Variants in PCDHGB6 observed in about 807,000 individuals in gnomAD.
PCDHGB6 encodes the protein protocadherin gamma subfamily B, 6.
PCDHGB6 carries 51 observed loss-of-function variants against 59.1 expected under a neutral mutation model. The observed-to-expected ratio is 0.86, with a 90% CI of 0.69 to 1.09. The LOEUF is 1.09. Ranked by LOEUF, PCDHGB6 falls within the 50% of genes least tolerant of loss-of-function variation. The pLI is 0.00. For synonymous variants in PCDHGB6, 466 were observed against 495.1 expected (o/e 0.94, Z 0.78); for missense variants, 1,148 against 1,205.1 (o/e 0.95, Z 0.70).
intron 1 of PCDHGB6, chr5:141,471,430 G>A (rs2099257545): frequency 6.6e-6 from 1 of 152,140 alleles, no homozygotes; most frequent in South Asian, 2.1e-4. Flanking sequence ...CAAGGAAAGT[G>A]TATAATCTCA....
chr5:141,464,043 T>C (rs2099074643), intron 1 of PCDHGB6, among the ~76,000 whole-genome samples: 2 of 152,074 alleles, frequency 1.3e-5, no homozygotes, highest in African/African-American at 4.8e-5. Context: ...GGCGGGTGGA[T>C]CACCTGAGGT....
At position 141,489,852 on chromosome 5, in the gene PCDHGB6, C is replaced by G. The variant is rs1197191101; in HGVS notation, c.2419-4955C>G. ...TAGAGCAGCAGCTGGATCGTGAAGC[C>G]CAGGCAAGACATCAGCTGGTGCTTA... On this transcript the variant is annotated intron_variant, in intron 1 of 3. Transcript: ENST00000520790. This position sits in a 1 kb window ranked among gnomAD's most constrained non-coding sequence, Gnocchi z 4.5. The G allele has an allele frequency of 6.2e-7, 1 of 1,614,034 alleles. No homozygotes were observed. Among genetic ancestry groups the G allele is most frequent in the Admixed American group, 1.7e-5 (1 of 60,004 alleles).
In PCDHGB6 at chr5:141,432,265, G is replaced by A. The variant is rs756993242; in HGVS notation, c.2418+21645G>A. On this transcript the variant is annotated intron_variant, in intron 1 of 3. Transcript: ENST00000520790. The surrounding 1 kb of genome is among the most constrained non-coding windows in gnomAD (Gnocchi z 6.0). ...ACACCATCCAAGGGGCAAGCCTATCGTCCTACGTGTCCATCAACTCCGACA... is the reference window on the plus strand; with the variant it reads ...ACACCATCCAAGGGGCAAGCCTATCATCCTACGTGTCCATCAACTCCGACA... 2.5e-6 allele frequency: 4 copies of A among 1,614,092 alleles called. No individual in the cohort carries two copies. The highest frequency in any genetic ancestry group is 1.7e-5 in the Admixed American group (1 of 60,004).
At chr5:141,505,044 C>G (rs1446394128) in intron 2 of PCDHGB6, among the ~76,000 whole-genome samples, 3 of 152,156 alleles carry the variant, frequency 2.0e-5, no homozygotes, top group African/African-American at 7.2e-5. Context: ...TGCCTGTCAT[C>G]CCAGCTACTT....
Position 141,476,176 on chromosome 5 carries a change from G to C in PCDHGB6, c.2419-18631G>C, listed in dbSNP as rs778169270. 1 of 1,613,530 alleles carries C rather than the reference G, an allele frequency of 6.2e-7. No homozygotes were observed. The highest frequency in any genetic ancestry group is 8.5e-7 in the Non-Finnish European group (1 of 1,180,006). On this transcript the variant is annotated intron_variant, in intron 1 of 3. Transcript: ENST00000520790. The surrounding 1 kb of genome is among the most constrained non-coding windows in gnomAD (Gnocchi z 7.6). ...GCACCGGGAGGGTAGTGGGAGTTTT[G>C]CTTCTGCTTGGTGCCTTGAACAAGG...
Position 141,511,669 on chromosome 5 carries a change from T to C in PCDHGB6, c.*496T>C, listed in dbSNP as rs1468492336. 1 of 199,424 alleles carries C rather than the reference T, an allele frequency of 5.0e-6. No individual in the cohort carries two copies. The highest frequency in any genetic ancestry group is 2.3e-5 in the African/African-American group (1 of 43,748). The allele number at this position is 199,424 out of a possible 1,614,324, so 12.4% of individuals were successfully genotyped here. ...TCTTGGCCTCTCCTTTGATTCTCAA[T>C]CTTCCCCCAAAGCATGGTTTGGTGC... On this transcript the variant is annotated 3_prime_UTR_variant, in exon 4 of 4. Coordinates refer to ENST00000520790, the MANE Select transcript of PCDHGB6 (RefSeq NM_018926.3).
chr5:141,415,704 T>C (rs1262137262), intron 1 of PCDHGB6: 1 of 1,344,464 alleles, frequency 7.4e-7, no homozygotes, highest in South Asian at 1.3e-5. Context: ...GTGTAAATGC[T>C]AAAACACTGA....
chr5:141,419,443 C>T (rs1476796525), intron 1 of PCDHGB6: 2 of 1,613,080 alleles, frequency 1.2e-6, no homozygotes, highest in South Asian at 2.2e-5. Flanking sequence ...TGCGCACCTT[C>T]GAGCTCACGC....
At chr5:141,451,945 C>T (rs906800803) in intron 1 of PCDHGB6, among the ~76,000 whole-genome samples, 1 of 151,970 alleles carries the variant, frequency 6.6e-6, no homozygotes, top group Non-Finnish European at 1.5e-5. Flanking sequence ...AGGGAAAGAC[C>T]GAGAAAGTGA....
rs1349189547 is a variant in PCDHGB6 at position 141,432,777 on chromosome 5, C to A, written c.2418+22157C>A. 1.2e-6 allele frequency: 2 copies of A among 1,614,154 alleles called. No individual in the cohort carries two copies. The highest frequency in any genetic ancestry group is 1.3e-5 in the African/African-American group (1 of 75,062). ...GCCGACAGCATCCCCCAAGTCCTGGCGGACCTCGGCAGCCTCGAGTCTCCA... is the reference window on the plus strand; with the variant it reads ...GCCGACAGCATCCCCCAAGTCCTGGAGGACCTCGGCAGCCTCGAGTCTCCA... On this transcript the variant is annotated intron_variant, in intron 1 of 3. Transcript: ENST00000520790. This position sits in a 1 kb window ranked among gnomAD's most constrained non-coding sequence, Gnocchi z 6.0.
In PCDHGB6 at chr5:141,485,849, G is replaced by A. The variant is rs777288674; in HGVS notation, c.2419-8958G>A. ...AGGGAACCCGCCGAGATCTGGCACC[G>A]CAGAGCTCCGGGTATCCGTGCTGGA... On this transcript the variant is annotated intron_variant, in intron 1 of 3. Transcript: ENST00000520790. The surrounding 1 kb of genome is among the most constrained non-coding windows in gnomAD (Gnocchi z 5.7). 3 of 1,614,130 alleles carry A rather than the reference G, an allele frequency of 1.9e-6. No individual in the cohort carries two copies. In the South Asian group the frequency reaches 3.3e-5, roughly 18 times the overall value.
intron 2 of PCDHGB6, among the ~76,000 whole-genome samples, chr5:141,495,943 C>T (rs998665622): frequency 3.9e-5 from 6 of 152,010 alleles, no homozygotes; most frequent in African/African-American, 1.4e-4. Flanking sequence ...GTCTCTGTGC[C>T]TGTTGTCTTT....
intron 1 of PCDHGB6, chr5:141,415,435 C>A: frequency 1.2e-6 from 2 of 1,614,202 alleles, no homozygotes; most frequent in Non-Finnish European, 8.5e-7. Context: ...TCGGGCTTTC[C>A]TGCAGACCTA....
At chr5:141,457,607 T>C (rs578113551) in intron 1 of PCDHGB6, among the ~76,000 whole-genome samples, 2 of 152,360 alleles carry the variant, frequency 1.3e-5, no homozygotes, top group African/African-American at 4.8e-5. Context: ...AAACTAATTA[T>C]GAATGAACTT....
At chr5:141,430,100 C>T (rs6874907) in intron 1 of PCDHGB6, among the ~76,000 whole-genome samples, 7,606 of 152,160 alleles carry the variant, frequency 0.05, 372 homozygotes, top group African/African-American at 0.13. Context: ...GATTTTTAAG[C>T]GTTACATGTC....
At chr5:141,423,050 G>T (rs1434973750) in intron 1 of PCDHGB6, 2 of 1,614,068 alleles carry the variant, frequency 1.2e-6, no homozygotes, top group Admixed American at 1.7e-5. Context: ...CTGTCCTATC[G>T]CCTGCTTAAG....
chr5:141,506,577 A>G (rs2099855057), intron 3 of PCDHGB6, among the ~76,000 whole-genome samples: 1 of 152,162 alleles, frequency 6.6e-6, no homozygotes, highest in South Asian at 2.1e-4. Flanking sequence ...TTCACTTACT[A>G]TTAATGGGCA....
chr5:141,478,856 T>G (rs1372487685), intron 1 of PCDHGB6: 2 of 1,353,224 alleles, frequency 1.5e-6, no homozygotes, highest in Non-Finnish European at 2.0e-6. Flanking sequence ...AAACACAAGA[T>G]CTCAGCGATC....
At position 141,490,840 on chromosome 5, in the gene PCDHGB6, G is replaced by C. The variant is rs1177428192; in HGVS notation, c.2419-3967G>C. On this transcript the variant is annotated intron_variant, in intron 1 of 3. Transcript: ENST00000520790. This position sits in a 1 kb window ranked among gnomAD's most constrained non-coding sequence, Gnocchi z 5.4. Reference sequence around the variant, plus strand: ...ATTGCTGCAGATGCTGCAGATTGTGGTGGGGGTTCGAGACTCCGGCTCTCC... The same window carrying C: ...ATTGCTGCAGATGCTGCAGATTGTGCTGGGGGTTCGAGACTCCGGCTCTCC... 2 of 1,613,900 alleles carry C rather than the reference G, an allele frequency of 1.2e-6. No homozygotes were observed. Among genetic ancestry groups the C allele is most frequent in the Middle Eastern group, 3.3e-4 (2 of 6,058 alleles).
Sources: gnomAD v4.1 joint callset for allele counts (sites outside exome capture counted in the v4.1 genomes callset) on GRCh38, gnomAD v4.1.1 for gene constraint, Gnocchi (gnomAD v3.1) non-coding constraint, MANE v1.5 for transcripts, NCBI Gene and HGNC (gene_info 2026-07-23, HGNC 2026-07-21) for gene names.